CREB3L2: variants seen among roughly 807,000 people sequenced by gnomAD.
The protein encoded by CREB3L2 is cAMP responsive element binding protein 3 like 2.
CREB3L2 carries 23 observed loss-of-function variants against 57.2 expected under a neutral mutation model. The ratio of observed to expected loss-of-function variants is 0.40; its 90% CI spans 0.29 to 0.57. CREB3L2 has a LOEUF of 0.57. Among genes scored for constraint, CREB3L2 ranks in the 20% least tolerant of loss-of-function variants. The pLI is 0.42. For missense variants in CREB3L2, 628 were observed against 634.7 expected, an observed-to-expected ratio of 0.99 and a Z score of 0.11; for synonymous variants, 268 against 265.1, an observed-to-expected ratio of 1.01 and a Z score of -0.11.
chr7:137,925,947 G>A (rs1441253547), intron 2 of CREB3L2, among the ~76,000 whole-genome samples: 3 of 152,190 alleles, frequency 2.0e-5, no homozygotes, highest in East Asian at 1.9e-4. Flanking sequence ...TTACCAGCAC[G>A]GCCTGTCACA....
intron 8 of CREB3L2, among the ~76,000 whole-genome samples, chr7:137,900,478 A>G (rs144506386): frequency 4.9e-4 from 74 of 152,310 alleles, no homozygotes; most frequent in African/African-American, 1.7e-3. Context: ...TAAACTAGCT[A>G]ATTTTAAAAA....
At chr7:137,888,732 C>T (rs372340844) in intron 8 of CREB3L2, among the ~76,000 whole-genome samples, 2 of 152,028 alleles carry the variant, frequency 1.3e-5, no homozygotes, top group South Asian at 2.1e-4. Flanking sequence ...CTATGAAAAG[C>T]GGTCTCCTGT....
chr7:137,899,096 A>G (rs1023529731), intron 8 of CREB3L2, among the ~76,000 whole-genome samples: 4 of 83,776 alleles, frequency 4.8e-5, no homozygotes, highest in African/African-American at 2.5e-4. Flanking sequence ...AAAAGGAAAG[A>G]GAAGGAAGGA....
intron 1 of CREB3L2, among the ~76,000 whole-genome samples, chr7:137,999,421 A>ACACACACG (rs1554506147): frequency 1.6e-5 from 1 of 62,222 alleles, no homozygotes; most frequent in Non-Finnish European, 4.5e-5. Context: ...CACACACACG[A>ACACACACG]ATATAAGCTT....
chr7:137,901,356 A>G lies in CREB3L2; in HGVS notation c.1041T>C (p.Asn347=), dbSNP rs1196093313. 2.8e-5 allele frequency: 44 copies of G among 1,566,538 alleles called. No homozygotes were observed. Among genetic ancestry groups the G allele is most frequent in the Non-Finnish European group, 3.4e-5 (39 of 1,137,446 alleles). ...GCTCTCAGTCCAGTGACACTTACCT[A>G]TTAGTGTTCTCTAGAACCTCTACCT... ...RKKVEVLENT[N]RTLLQQLQKL... is the part of the protein sequence containing the mutation. The change falls in exon 8 of 12, where the codon AAT becomes AAC. Residue 347 remains asparagine (N), a splice_region_variant and synonymous_variant. Transcript: ENST00000330387.
intron 1 of CREB3L2, among the ~76,000 whole-genome samples, chr7:137,933,344 T>A (rs1258848684): frequency 6.6e-6 from 1 of 152,222 alleles, no homozygotes; most frequent in Non-Finnish European, 1.5e-5. Context: ...TCCCATTCTA[T>A]CCCGAGGCAA....
In CREB3L2 at chr7:138,001,813, C is replaced by A. The variant is rs1188138425; in HGVS notation, c.-108G>T. On this transcript the variant is annotated 5_prime_UTR_variant, in exon 1 of 12. Transcript: ENST00000330387. This position sits in a 1 kb window ranked among gnomAD's most constrained non-coding sequence, Gnocchi z 4.2. ...CTCTCCGCGTGTGCTTGCGTGTGTG[C>A]GCGCGCGTGTCTGTAGTTTTGCACT... 1 of 725,204 alleles carries A rather than the reference C, an allele frequency of 1.4e-6. No homozygotes were observed. Among genetic ancestry groups the A allele is most frequent in the African/African-American group, 1.8e-5 (1 of 54,860 alleles). The allele number at this position is 725,204 out of a possible 1,614,324, so 44.9% of individuals were successfully genotyped here. A position where few individuals can be genotyped will look rare whatever the true frequency, so the allele number is the denominator to read the frequency against.
chr7:137,956,061 T>C (rs1801203280), intron 1 of CREB3L2, among the ~76,000 whole-genome samples: 1 of 152,196 alleles, frequency 6.6e-6, no homozygotes, highest in African/African-American at 2.4e-5. Flanking sequence ...AGGTCTCAGA[T>C]TTTGCTGCCA....
intron 8 of CREB3L2, among the ~76,000 whole-genome samples, chr7:137,900,293 C>T (rs543225699): frequency 2.6e-5 from 4 of 152,196 alleles, no homozygotes; most frequent in African/African-American, 4.8e-5. Flanking sequence ...CTAGACTTTC[C>T]GAGTTTCAGT....
rs549274737 is a variant in CREB3L2, at chr7:137,920,259, C to T, written c.320-4247G>A. Among the ~76,000 whole-genome samples the T allele has an allele frequency of 4.5e-4, 69 of 152,214 alleles. 1 individual carries two copies. The highest frequency in any genetic ancestry group is 7.2e-4 in the Admixed American group (11 of 15,284). ...TGGTATGTGAGCTTTTTAATACAAG[C>T]GGAGTTTTGGAATGTGCTTGCAGGA... On this transcript the variant is annotated intron_variant, in intron 2 of 11. Coordinates refer to ENST00000330387, the MANE Select transcript of CREB3L2 (RefSeq NM_194071.4).
chr7:137,933,500 TCTG>T (rs1300920897), intron 1 of CREB3L2, among the ~76,000 whole-genome samples: 1 of 152,234 alleles, frequency 6.6e-6, no homozygotes, highest in East Asian at 1.9e-4. Flanking sequence ...GTTCTCTAAC[TCTG>T]CTAACTTTCC....
intron 1 of CREB3L2, among the ~76,000 whole-genome samples, chr7:137,992,333 G>A (rs1801913624): frequency 6.6e-6 from 1 of 152,168 alleles, no homozygotes; most frequent in Admixed American, 6.5e-5. Flanking sequence ...CCTCTAATGA[G>A]TGACACGGAC....
intron 2 of CREB3L2, among the ~76,000 whole-genome samples, chr7:137,921,365 G>A (rs979504426): frequency 1.3e-5 from 2 of 152,170 alleles, no homozygotes; most frequent in Non-Finnish European, 2.9e-5. Context: ...TTAACTGTCA[G>A]CAAGAAAATA....
rs1303586104 is a variant in CREB3L2 at position 137,875,090 on chromosome 7, T to G, written c.*5386A>C. 1 of 197,148 alleles carries G rather than the reference T, an allele frequency of 5.1e-6. No homozygotes were observed. Among genetic ancestry groups the G allele is most frequent in the Non-Finnish European group, 1.1e-5 (1 of 95,116 alleles). The allele number at this position is 197,148 out of a possible 1,614,324, so 12.2% of individuals were successfully genotyped here. ...GTACAAGTGTCCTACAAAGCTTTTT[T>G]TTTTTTTTGGTATTTACTTAGCTAT... On this transcript the variant is annotated 3_prime_UTR_variant, in exon 12 of 12. Coordinates refer to ENST00000330387, the MANE Select transcript of CREB3L2 (RefSeq NM_194071.4).
rs1585674297 is a variant in CREB3L2 at position 137,980,184 on chromosome 7, A to C, written c.102+21420T>G. Among the ~76,000 whole-genome samples, 3 of 152,232 alleles carry C rather than the reference A, an allele frequency of 2.0e-5. No individual in the cohort carries two copies. The highest frequency in any genetic ancestry group is 7.2e-5 in the African/African-American group (3 of 41,462). ...ACCATGCTTTGAGTAGTCATACTCC[A>C]AGCCAGTAGTTCTCACCTCGGTTTC... is the stretch of plus-strand genomic sequence containing the variant. On this transcript the variant is annotated intron_variant, in intron 1 of 11. Transcript: ENST00000330387. This position sits in a 1 kb window ranked among gnomAD's most constrained non-coding sequence, Gnocchi z 4.3.
In CREB3L2 at chr7:137,876,331, CGTGTGTGTGTGTGTGTGTGTGTGT is replaced by C. The variant is rs10534110; in HGVS notation, c.*4121_*4144del. ...TGAGCATGTAAGGGAGGAATGTGCACGTGTGTGTGTGTGTGTGTGTGTGTGTGTGTGTGTGTGTCAGAGAGAGAA... is the reference window on the plus strand; with the variant it reads ...TGAGCATGTAAGGGAGGAATGTGCACGTGTGTGTGTGTGTCAGAGAGAGAA... On this transcript the variant is annotated 3_prime_UTR_variant, in exon 12 of 12. Transcript: ENST00000330387. The C allele has an allele frequency of 9.4e-6, 2 of 213,698 alleles. No homozygotes were observed. The highest frequency in any genetic ancestry group is 4.6e-5 in the African/African-American group (2 of 43,070). 13.2% of individuals were successfully genotyped at this position (213,698 alleles called of 1,614,324 possible).
At chr7:137,990,329 G>A (rs1479635993) in intron 1 of CREB3L2, among the ~76,000 whole-genome samples, 2 of 152,166 alleles carry the variant, frequency 1.3e-5, no homozygotes, top group African/African-American at 4.8e-5. Context: ...CCTCCATGAA[G>A]TGTTCCCCAA....
At chr7:137,911,345 T>C (rs1467463150) in intron 4 of CREB3L2, among the ~76,000 whole-genome samples, 1 of 152,256 alleles carries the variant, frequency 6.6e-6, no homozygotes, top group African/African-American at 2.4e-5. Flanking sequence ...GGGCCAGCCC[T>C]GATTACATTG....
intron 2 of CREB3L2, among the ~76,000 whole-genome samples, chr7:137,925,852 G>C (rs1338675825): frequency 1.3e-5 from 2 of 152,170 alleles, no homozygotes; most frequent in African/African-American, 4.8e-5. Flanking sequence ...ACTCAGATAA[G>C]ACACTGGTAC....
Sources: allele counts gnomAD v4.1 joint callset (sites outside exome capture counted in the v4.1 genomes callset), GRCh38; gene constraint gnomAD v4.1.1; non-coding constraint Gnocchi (gnomAD v3.1); transcripts MANE v1.5; gene names NCBI Gene and HGNC (gene_info 2026-07-23, HGNC 2026-07-21).